The following METTL8 variants were observed in gnomAD, a reference collection of about 807,000 sequenced individuals.
METTL8 encodes methyltransferase 8, tRNA N3-cytidine.
In METTL8, 32 loss-of-function variants were observed where a neutral mutation model predicts 48.7. The observed-to-expected ratio is 0.66, with a 90% CI of 0.50 to 0.88. The LOEUF (loss-of-function observed/expected upper bound fraction) is 0.88, where lower values mean the gene tolerates loss of function less well. Among genes scored for constraint, METTL8 ranks in the 40% least tolerant of loss-of-function variants. The pLI, the probability that METTL8 is intolerant of heterozygous loss-of-function variation, is 0.00. For synonymous variants in METTL8, 136 were observed against 157.1 expected (o/e 0.87, Z 1.01); for missense variants, 464 against 474.4 (o/e 0.98, Z 0.20).
At chr2:171,431,643 G>A (rs934787798) in intron 1 of METTL8, among the ~76,000 whole-genome samples, 4 of 152,204 alleles carry the variant, frequency 2.6e-5, no homozygotes, top group African/African-American at 9.6e-5. Context: ...CACCAAACAT[G>A]GGTAGGAAGA....
chr2:171,331,573 C>T (rs1291152523), intron 6 of METTL8, among the ~76,000 whole-genome samples: 2 of 151,928 alleles, frequency 1.3e-5, no homozygotes, highest in Non-Finnish European at 2.9e-5. Context: ...CGTGCTACCA[C>T]AGCCAGCTAA....
chr2:171,332,225 CTAGAG>C (rs1685611795), intron 5 of METTL8: 1 of 169,220 alleles, frequency 5.9e-6, no homozygotes, highest in African/African-American at 2.4e-5. Flanking sequence ...AATACTCAAA[CTAGAG>C]AAGAAAGGAA....
chr2:171,426,545 T>C (rs1240937092), intron 1 of METTL8, among the ~76,000 whole-genome samples: 1 of 152,220 alleles, frequency 6.6e-6, no homozygotes, highest in African/African-American at 2.4e-5. Flanking sequence ...ATCTGTAACA[T>C]AGCATAAAGG....
chr2:171,408,064 C>T (rs781643724), intron 1 of METTL8, among the ~76,000 whole-genome samples: 1 of 152,034 alleles, frequency 6.6e-6, no homozygotes, highest in Non-Finnish European at 1.5e-5. Flanking sequence ...GCTGTTAATT[C>T]GAGTTTTATT....
chr2:171,422,530 GC>G (rs1356955291), intron 1 of METTL8, among the ~76,000 whole-genome samples: 3 of 152,038 alleles, frequency 2.0e-5, no homozygotes, highest in African/African-American at 7.2e-5. Flanking sequence ...TATCAAATAA[GC>G]CACATATTGG....
chr2:171,396,126 A>G (rs189490264), intron 1 of METTL8, among the ~76,000 whole-genome samples: 3 of 152,168 alleles, frequency 2.0e-5, no homozygotes, highest in Admixed American at 6.6e-5. Context: ...CCAAAAAAAA[A>G]TTAGCTGGGT....
Position 171,424,119 on chromosome 2 carries a change from G to C in METTL8, c.-13+9764C>G, listed in dbSNP as rs184091765. Among the ~76,000 whole-genome samples, 4 of 152,342 alleles carry C rather than the reference G, an allele frequency of 2.6e-5. No homozygotes were observed. The East Asian group carries it at 5.8e-4, about 22-fold the overall frequency. Reference sequence around the variant, plus strand: ...CTTGGCAGCTTCCACGTGTTATTGGGCCTGCGGGTGCACAGAAGTCAAGAA... The same window carrying C: ...CTTGGCAGCTTCCACGTGTTATTGGCCCTGCGGGTGCACAGAAGTCAAGAA... On this transcript the variant is annotated intron_variant, in intron 1 of 9. Coordinates refer to ENST00000375258, the MANE Select transcript of METTL8 (RefSeq NM_001321154.2).
intron 3 of METTL8, among the ~76,000 whole-genome samples, chr2:171,345,731 TA>T (rs1687203253): frequency 6.6e-6 from 1 of 152,212 alleles, no homozygotes; most frequent in Non-Finnish European, 1.5e-5. Context: ...AATTACAGGA[TA>T]TTTTAAAGTA....
chr2:171,425,401 C>T (rs960735895), intron 1 of METTL8, among the ~76,000 whole-genome samples: 2 of 152,212 alleles, frequency 1.3e-5, no homozygotes, highest in African/African-American at 4.8e-5. Context: ...AAATGATGGA[C>T]AGTCATCTCC....
chr2:171,354,215 T>C (rs1421381788), intron 3 of METTL8, among the ~76,000 whole-genome samples: 1 of 152,222 alleles, frequency 6.6e-6, no homozygotes, highest in Non-Finnish European at 1.5e-5. Flanking sequence ...CCTTCACTTA[T>C]GAAGCTTAGT....
chr2:171,352,555 C>T (rs970630549), intron 3 of METTL8, among the ~76,000 whole-genome samples: 7 of 152,174 alleles, frequency 4.6e-5, no homozygotes, highest in Admixed American at 4.6e-4. Flanking sequence ...ACCAGCTCCT[C>T]CTTGTACCTC....
At chr2:171,353,373 G>A (rs2105453419) in intron 3 of METTL8, among the ~76,000 whole-genome samples, 1 of 152,312 alleles carries the variant, frequency 6.6e-6, no homozygotes, top group Admixed American at 6.5e-5. Context: ...TTGCCGAGGA[G>A]TGCTTTACTT....
chr2:171,433,345 C>G (rs1693345343), intron 1 of METTL8: 1 of 152,182 alleles, frequency 6.6e-6, no homozygotes, highest in Non-Finnish European at 1.5e-5. Context: ...AAATGCGATT[C>G]AAGGACCTGC....
rs964351529 is a variant in METTL8, at chr2:171,339,254, T to A, written c.536A>T (p.Glu179Val). ...TESDFSNLDS[E>V]KHKKGPMETG... ...CTCCATAGGTCCTTTTTTGTGTTTT[T>A]CAGAGTCTAGGTTGGAAAAATCAGA... is the stretch of plus-strand genomic sequence containing the variant. The change falls in exon 4 of 10, where the codon GAA becomes GTA. Residue 179 changes from glutamate to valine, a missense_variant. Glu to Val is a moderately radical substitution (Grantham distance 121). Coordinates refer to ENST00000375258, the MANE Select transcript of METTL8 (RefSeq NM_001321154.2). The A allele has an allele frequency of 8.7e-6, 14 of 1,608,248 alleles. No homozygotes were observed. The highest frequency in any genetic ancestry group is 1.2e-5 in the Non-Finnish European group (14 of 1,177,578).
At chr2:171,331,672 C>T in intron 6 of METTL8, 132 bp downstream of exon 6, 1 of 673,716 alleles carries the variant, frequency 1.5e-6, no homozygotes, top group East Asian at 3.2e-5. Flanking sequence ...CCACCTTGGC[C>T]TCCCAAAGTG....
intron 3 of METTL8, among the ~76,000 whole-genome samples, chr2:171,355,344 G>A (rs1246785952): frequency 6.6e-6 from 1 of 152,168 alleles, no homozygotes; most frequent in Non-Finnish European, 1.5e-5. Flanking sequence ...CGTCTCAGAG[G>A]GGTACCTGTC....
At position 171,393,075 on chromosome 2, in the gene METTL8, G is replaced by A. The variant is rs370685841; in HGVS notation, c.-12-878C>T. On this transcript the variant is annotated intron_variant, in intron 1 of 9. Transcript: ENST00000375258. ...GCCGAGATTGTGTCATTGCACTCCC[G>A]CCTGGGCAACAGAATAAGACTCTGT... is the stretch of plus-strand genomic sequence containing the variant. Among the ~76,000 whole-genome samples the A allele has an allele frequency of 9.2e-5, 14 of 151,912 alleles. 1 individual carries two copies. The highest frequency in any genetic ancestry group is 2.9e-4 in the African/African-American group (12 of 41,412).
chr2:171,434,217 A>G, upstream of METTL8: 1 of 425,940 alleles, frequency 2.3e-6, no homozygotes, highest in Non-Finnish European at 4.8e-6. Context: ...CGGGAATTGT[A>G]GTTCCTGGGA....
chr2:171,396,710 T>C (rs1689098177), intron 1 of METTL8, among the ~76,000 whole-genome samples: 1 of 152,156 alleles, frequency 6.6e-6, no homozygotes, highest in Non-Finnish European at 1.5e-5. Flanking sequence ...TTAGAAAATA[T>C]GTTGAACTGA....
Sources: gnomAD v4.1 joint callset for allele counts (sites outside exome capture counted in the v4.1 genomes callset) on GRCh38, gnomAD v4.1.1 for gene constraint, MANE v1.5 for transcripts, NCBI Gene and HGNC (gene_info 2026-07-23, HGNC 2026-07-21) for gene names.